PDE11A: variants seen among roughly 807,000 people sequenced by gnomAD.
PDE11A encodes phosphodiesterase 11A, also known as dual 3',5'-cyclic-AMP and -GMP phosphodiesterase 11A.
Under a neutral mutation model 100.5 loss-of-function variants are expected in PDE11A, and 100 were observed. That is an observed-to-expected ratio of 1.00 (90% CI 0.85 to 1.18). The LOEUF (loss-of-function observed/expected upper bound fraction) is 1.18. PDE11A is among the 50% of genes most tolerant of loss of function. The probability of loss-of-function intolerance (pLI) is 0.00; values close to 1 mark genes in which losing one functional copy is unlikely to be tolerated. For missense variants in PDE11A, 1,141 were observed against 1,152.6 expected (o/e 0.99, Z 0.15); for synonymous variants, 381 against 420.8 (o/e 0.91, Z 1.16).
chr2:177,812,186 G>A (rs1183856956), intron 9 of PDE11A, among the ~76,000 whole-genome samples: 2 of 151,852 alleles, frequency 1.3e-5, no homozygotes, highest in African/African-American at 2.4e-5. Flanking sequence ...TATAATTTTT[G>A]TAGGTACATA....
chr2:177,912,856 T>C (rs924799603), intron 2 of PDE11A, among the ~76,000 whole-genome samples: 23 of 152,358 alleles, frequency 1.5e-4, no homozygotes, highest in African/African-American at 4.6e-4. Context: ...AACTAGCTAT[T>C]ACCTATTATG....
intron 1 of PDE11A, among the ~76,000 whole-genome samples, chr2:178,042,215 C>T (rs1239208193): frequency 2.0e-5 from 3 of 152,106 alleles, no homozygotes; most frequent in Admixed American, 6.6e-5. Context: ...TATGGTAGCT[C>T]ATGCCTGTAA....
intron 13 of PDE11A, among the ~76,000 whole-genome samples, chr2:177,709,223 G>A (rs1355266521): frequency 6.6e-6 from 1 of 152,220 alleles, no homozygotes; most frequent in Non-Finnish European, 1.5e-5. Flanking sequence ...AGGAGATGTG[G>A]ATGGCTTTTA....
rs1264577721 is a variant in PDE11A, at chr2:177,625,926, T to TA, written c.*3480dup. 1 of 152,648 alleles carries TA rather than the reference T, an allele frequency of 6.6e-6. No individual in the cohort carries two copies. 9.5% of individuals were successfully genotyped at this position (152,648 alleles called of 1,614,324 possible). On this transcript the variant is annotated 3_prime_UTR_variant, in exon 20 of 20. Coordinates refer to ENST00000286063, the MANE Select transcript of PDE11A (RefSeq NM_016953.4). The stretch of plus-strand genomic sequence containing the variant: ...TCATGGAGACACAGACCCATGGCAT[T>TA]AGTCAGCAGTTTCTAAATCTTGACC...
rs561621021 is a variant in PDE11A, at chr2:177,676,202, C to T, written c.2424-684G>A. The stretch of plus-strand genomic sequence containing the variant: ...GGGGCAGGGTTAACCATAATTCATA[C>T]GGAACCATGGAAACACTGGGAACAA... On this transcript the variant is annotated intron_variant, in intron 16 of 19. Coordinates refer to ENST00000286063, the MANE Select transcript of PDE11A (RefSeq NM_016953.4). 8.4e-4 allele frequency: 132 copies of T among 158,056 alleles called. 2 individuals carry two copies. The highest frequency in any genetic ancestry group is 2.9e-3 in the African/African-American group (122 of 41,582). 9.8% of individuals were successfully genotyped at this position (158,056 alleles called of 1,614,324 possible).
chr2:177,769,332 G>A lies in PDE11A; in HGVS notation c.1779C>T (p.Asp593=), dbSNP rs781410991. ...CCATTTTCTTCCTTACCTTAAACTT[G>A]TCAACTTCAGCTTTTGAACATGTTG... ...YHATCSKAEV[D]KFKAANIPLV... is the part of the protein sequence containing the mutation. The change falls in exon 10 of 20, where the codon GAC becomes GAT. Residue 593 remains aspartate, a synonymous_variant. Coordinates refer to ENST00000286063, the MANE Select transcript of PDE11A (RefSeq NM_016953.4). The A allele has an allele frequency of 1.9e-6, 3 of 1,595,854 alleles. No homozygotes were observed. The highest frequency in any genetic ancestry group is 1.3e-5 in the African/African-American group (1 of 74,504).
At chr2:177,873,560 C>T (rs1038638184) in intron 5 of PDE11A, among the ~76,000 whole-genome samples, 1 of 152,146 alleles carries the variant, frequency 6.6e-6, no homozygotes, top group African/African-American at 2.4e-5. Flanking sequence ...GTAAAATTCA[C>T]CCTTTTTTAG....
chr2:178,010,320 T>C (rs2086260798), intron 2 of PDE11A, among the ~76,000 whole-genome samples: 1 of 152,212 alleles, frequency 6.6e-6, no homozygotes, highest in Non-Finnish European at 1.5e-5. Flanking sequence ...TTACTTTGGT[T>C]GCTGCAGTTT....
intron 5 of PDE11A, among the ~76,000 whole-genome samples, chr2:177,871,020 C>T (rs1004094588): frequency 6.6e-6 from 1 of 152,090 alleles, no homozygotes; most frequent in Non-Finnish European, 1.5e-5. Context: ...CACTAAAGGA[C>T]AGGAGCCATC....
At chr2:177,631,302 A>C (rs1302002839) in intron 19 of PDE11A, among the ~76,000 whole-genome samples, 2 of 40,194 alleles carry the variant, frequency 5.0e-5, no homozygotes, top group Non-Finnish European at 1.1e-4. Context: ...AAAAAAAAAA[A>C]AAAAAAAACA....
intron 1 of PDE11A, among the ~76,000 whole-genome samples, chr2:178,037,736 C>A (rs560647642): frequency 1.3e-5 from 2 of 152,138 alleles, no homozygotes; most frequent in Non-Finnish European, 2.9e-5. Context: ...ATGGATGAAG[C>A]TGGAAGCCAC....
intron 1 of PDE11A, among the ~76,000 whole-genome samples, chr2:178,065,044 T>C (rs1004318414): frequency 6.6e-6 from 1 of 152,108 alleles, no homozygotes; most frequent in Non-Finnish European, 1.5e-5. Flanking sequence ...ACTATTTTAA[T>C]CCAAATAAAT....
chr2:177,845,410 C>A (rs1282979086), intron 5 of PDE11A, among the ~76,000 whole-genome samples: 2 of 148,494 alleles, frequency 1.3e-5, no homozygotes, highest in African/African-American at 2.5e-5. Flanking sequence ...GGGGCAGAGG[C>A]GCTCCCCACA....
intron 2 of PDE11A, among the ~76,000 whole-genome samples, chr2:177,970,976 C>T (rs2085761734): frequency 6.6e-6 from 1 of 152,152 alleles, no homozygotes; most frequent in Admixed American, 6.5e-5. Context: ...GGGATCATTA[C>T]TTATTGAGGC....
At chr2:177,868,327 G>T (rs554975634) in intron 5 of PDE11A, among the ~76,000 whole-genome samples, 1 of 152,168 alleles carries the variant, frequency 6.6e-6, no homozygotes, top group Non-Finnish European at 1.5e-5. Flanking sequence ...TCATAGATGA[G>T]CTAAGGGATG....
At position 178,072,044 on chromosome 2, in the gene PDE11A, G is replaced by A; in HGVS notation, c.394C>T (p.His132Tyr). Reference protein sequence around the residue: ...RKSFARSKAIHVNRTYDEQVT... With the variant: ...RKSFARSKAIYVNRTYDEQVT... ...TGTTCATCGTAGGTCCTGTTCACGTGGATGGCCTTGGAGCGGGCAAAACTC... is the reference window on the plus strand; with the variant it reads ...TGTTCATCGTAGGTCCTGTTCACGTAGATGGCCTTGGAGCGGGCAAAACTC... Residue 132 changes from histidine to tyrosine, a missense_variant, in exon 1 of 20, where the codon CAC becomes TAC. His to Tyr is a moderately conservative substitution (Grantham distance 83). Transcript: ENST00000286063. 2 of 1,613,784 alleles carry A rather than the reference G, an allele frequency of 1.2e-6. No homozygotes were observed. The highest frequency in any genetic ancestry group is 2.7e-5 in the African/African-American group (2 of 75,044).
At chr2:177,997,010 A>AT (rs1387380573) in intron 2 of PDE11A, among the ~76,000 whole-genome samples, 3 of 152,210 alleles carry the variant, frequency 2.0e-5, no homozygotes, top group African/African-American at 7.2e-5. Context: ...TATCACTGTG[A>AT]TTTTACCTTG....
chr2:177,869,293 G>A (rs1388903991), intron 5 of PDE11A, among the ~76,000 whole-genome samples: 2 of 152,214 alleles, frequency 1.3e-5, no homozygotes, highest in African/African-American at 4.8e-5. Context: ...CCAAAATCAA[G>A]GAATTGACAG....
intron 2 of PDE11A, among the ~76,000 whole-genome samples, chr2:177,955,835 G>T (rs1559022664): frequency 6.6e-6 from 1 of 152,140 alleles, no homozygotes; most frequent in African/African-American, 2.4e-5. Flanking sequence ...AATAAATGGT[G>T]CTGGGAAAAC....
Sources: gnomAD v4.1 joint callset for allele counts (sites outside exome capture counted in the v4.1 genomes callset) on GRCh38, gnomAD v4.1.1 for gene constraint, MANE v1.5 for transcripts, NCBI Gene and HGNC (gene_info 2026-07-23, HGNC 2026-07-21) for gene names.